Variants in QTMAN observed in about 807,000 individuals in gnomAD.
The protein encoded by QTMAN is tRNA-queuosine alpha-mannosyltransferase.
the QTMAN span, among the ~76,000 whole-genome samples, chr2:144,099,504 T>A: frequency 1.3e-5 from 2 of 152,184 alleles, no homozygotes; most frequent in African/African-American, 4.8e-5. Context: ...AAAACAAGTA[T>A]TCAAGCAAGG....
chr2:143,964,864 C>G, the QTMAN span, among the ~76,000 whole-genome samples: 3 of 152,124 alleles, frequency 2.0e-5, no homozygotes, highest in Admixed American at 2.0e-4. Context: ...TTCCTTGTAA[C>G]CTTTCTGGCT....
the QTMAN span, among the ~76,000 whole-genome samples, chr2:144,319,264 C>T: frequency 2.0e-5 from 3 of 152,026 alleles, no homozygotes; most frequent in Non-Finnish European, 4.4e-5. Context: ...ATTTTAAATA[C>T]TCTAGATGAA....
chr2:144,316,549 C>G, the QTMAN span, among the ~76,000 whole-genome samples: 1 of 152,134 alleles, frequency 6.6e-6, no homozygotes, highest in Admixed American at 6.5e-5. Flanking sequence ...TCATGATCAC[C>G]TGCCCTCCGT....
At chr2:144,155,825 C>T in the QTMAN span, among the ~76,000 whole-genome samples, 2 of 151,842 alleles carry the variant, frequency 1.3e-5, no homozygotes, top group African/African-American at 2.4e-5. Context: ...TATTATGACA[C>T]TATAATAATT....
chr2:144,019,466 GTGTGTGTGTGTGTGTGTA>G, the QTMAN span, among the ~76,000 whole-genome samples: 94 of 150,086 alleles, frequency 6.3e-4, no homozygotes, highest in African/African-American at 2.2e-3. Context: ...GTGTGTGTGT[GTGTGTGTGTGTGTGTGTA>G]TGTAGTTTTA....
chr2:144,026,969 T>C, the QTMAN span, among the ~76,000 whole-genome samples: 1 of 152,162 alleles, frequency 6.6e-6, no homozygotes, highest in Non-Finnish European at 1.5e-5. Flanking sequence ...ACACAAACTA[T>C]TTCAATTAAA....
the QTMAN span, among the ~76,000 whole-genome samples, chr2:143,971,925 A>C: frequency 6.6e-6 from 1 of 152,178 alleles, no homozygotes; most frequent in Non-Finnish European, 1.5e-5. Context: ...TCATGAATTA[A>C]AACAAATGTA....
chr2:143,992,014 C>G, the QTMAN span, among the ~76,000 whole-genome samples: 1 of 152,040 alleles, frequency 6.6e-6, no homozygotes, highest in Non-Finnish European at 1.5e-5. Context: ...TGCCCAGCCA[C>G]CACCCCGTCT....
chr2:144,181,877 A>C, the QTMAN span, among the ~76,000 whole-genome samples: 1 of 152,304 alleles, frequency 6.6e-6, no homozygotes, highest in East Asian at 1.9e-4. Context: ...CATTATTTAA[A>C]ATGCAACATT....
the QTMAN span, among the ~76,000 whole-genome samples, chr2:144,133,453 TATA>T: frequency 0.069 from 3,229 of 46,852 alleles, 350 homozygotes; most frequent in African/African-American, 0.25. Flanking sequence ...ATATATAATA[TATA>T]ATATATATTA....
the QTMAN span, chr2:144,007,346 A>G: frequency 6.2e-7 from 1 of 1,613,364 alleles, no homozygotes; most frequent in Non-Finnish European, 8.5e-7. Context: ...TTAATGAGTT[A>G]CCCAAATATT....
the QTMAN span, among the ~76,000 whole-genome samples, chr2:144,227,321 A>T: frequency 1.4e-4 from 21 of 152,156 alleles, no homozygotes; most frequent in Non-Finnish European, 2.8e-4. Context: ...TTATTTACTC[A>T]TGGAATACCC....
chr2:144,081,325 A>G, the QTMAN span, among the ~76,000 whole-genome samples: 1 of 152,144 alleles, frequency 6.6e-6, no homozygotes, highest in Non-Finnish European at 1.5e-5. Context: ...GCTTTTTCCA[A>G]CACCTAATTC....
the QTMAN span, among the ~76,000 whole-genome samples, chr2:144,226,301 G>A: frequency 2.6e-5 from 4 of 152,168 alleles, no homozygotes; most frequent in African/African-American, 9.6e-5. Flanking sequence ...CATTTATCAA[G>A]TGCATACTGT....
chr2:143,965,592 T>C, the QTMAN span, among the ~76,000 whole-genome samples: 2 of 152,208 alleles, frequency 1.3e-5, no homozygotes, highest in Non-Finnish European at 2.9e-5. Flanking sequence ...TAGGCACTAT[T>C]GACATTTTAG....
chr2:144,131,112 G>A, the QTMAN span, among the ~76,000 whole-genome samples: 3 of 151,786 alleles, frequency 2.0e-5, no homozygotes, highest in African/African-American at 7.3e-5. Context: ...AAACGAAAGG[G>A]CAAATCCAAC....
the QTMAN span, among the ~76,000 whole-genome samples, chr2:144,157,688 T>C: frequency 6.6e-6 from 1 of 151,998 alleles, no homozygotes; most frequent in Admixed American, 6.6e-5. Flanking sequence ...CTATTCATAC[T>C]GAACAGGAAA....
the QTMAN span, among the ~76,000 whole-genome samples, chr2:144,053,044 C>T: frequency 1.3e-5 from 2 of 152,160 alleles, no homozygotes; most frequent in East Asian, 3.9e-4. Context: ...AACTGGTATT[C>T]CCAAGAAAAA....
chr2:144,170,036 CATA>C, the QTMAN span, among the ~76,000 whole-genome samples: 1 of 152,008 alleles, frequency 6.6e-6, no homozygotes, highest in Non-Finnish European at 1.5e-5. Flanking sequence ...ACATTATTTT[CATA>C]ATATAATTTT....
Sources: gnomAD v4.1 joint callset for allele counts (sites outside exome capture counted in the v4.1 genomes callset) on GRCh38, gnomAD v4.1.1 for gene constraint, MANE v1.5 for transcripts, NCBI Gene and HGNC (gene_info 2026-07-23, HGNC 2026-07-21) for gene names.